Variants in CDYL2 observed in about 807,000 individuals in gnomAD.
CDYL2 encodes the protein chromodomain Y-like protein 2.
CDYL2 carries 23 observed loss-of-function variants against 49.4 expected under a neutral mutation model. That is an observed-to-expected ratio of 0.47 (90% CI 0.34 to 0.66). The LOEUF is 0.66. Among genes scored for constraint, CDYL2 ranks in the 30% least tolerant of loss-of-function variants. The pLI is 0.01. For missense variants in CDYL2, 678 were observed against 656.4 expected (o/e 1.03, Z -0.36); for synonymous variants, 360 against 268.8 (o/e 1.34, Z -3.32).
rs184443363 is a variant in CDYL2, at chr16:80,728,113, G to A, written c.25-42984C>T. Among the ~76,000 whole-genome samples, 14 of 152,304 alleles carry A rather than the reference G, an allele frequency of 9.2e-5. No individual in the cohort carries two copies. The South Asian group carries it at 1.0e-3, about 11-fold the overall frequency. The stretch of plus-strand genomic sequence containing the variant: ...AAGCTGGATGGGGAATGACTTTGAC[G>A]AGCTGAGAGAAGAAGGCTTCAGACG... On this transcript the variant is annotated intron_variant, in intron 1 of 6. Transcript: ENST00000570137.
intron 5 of CDYL2, among the ~76,000 whole-genome samples, chr16:80,609,883 A>C (rs962661319): frequency 1.8e-4 from 28 of 152,282 alleles, no homozygotes; most frequent in African/African-American, 6.3e-4. Context: ...TCTAGAGCTA[A>C]GAAAACGAAC....
chr16:80,657,455 G>GA (rs1234231026), intron 2 of CDYL2, among the ~76,000 whole-genome samples: 1 of 151,782 alleles, frequency 6.6e-6, no homozygotes, highest in East Asian at 1.9e-4. Context: ...ATTCCTTCAG[G>GA]AAAAAATGAA....
At chr16:80,653,256 A>G (rs1908663492) in intron 2 of CDYL2, among the ~76,000 whole-genome samples, 1 of 152,230 alleles carries the variant, frequency 6.6e-6, no homozygotes, top group Admixed American at 6.5e-5. Flanking sequence ...ACCTGAGGTC[A>G]GGAGTTTGAG....
chr16:80,676,312 G>C (rs1322831606), intron 2 of CDYL2, among the ~76,000 whole-genome samples: 4 of 152,196 alleles, frequency 2.6e-5, no homozygotes, highest in Non-Finnish European at 5.9e-5. Flanking sequence ...AAATTGAAAA[G>C]GTTAGTGAAA....
intron 1 of CDYL2, among the ~76,000 whole-genome samples, chr16:80,743,351 T>C (rs896992319): frequency 3.3e-5 from 5 of 152,222 alleles, no homozygotes; most frequent in Non-Finnish European, 5.9e-5. Context: ...TTTTATAAAA[T>C]AGAGAGAATT....
chr16:80,755,315 G>C (rs1041835460), intron 1 of CDYL2, among the ~76,000 whole-genome samples: 3 of 152,158 alleles, frequency 2.0e-5, no homozygotes, highest in Admixed American at 1.3e-4. Context: ...TCCATGTAAG[G>C]TGAATTGGAA....
At chr16:80,688,236 G>A (rs1305875760) in intron 1 of CDYL2, among the ~76,000 whole-genome samples, 1 of 152,134 alleles carries the variant, frequency 6.6e-6, no homozygotes, top group Non-Finnish European at 1.5e-5. Context: ...AAAGCCACTG[G>A]GTGGCTTGTC....
intron 1 of CDYL2, among the ~76,000 whole-genome samples, chr16:80,696,428 TAC>T (rs1218716288): frequency 1.3e-5 from 2 of 151,852 alleles, no homozygotes; most frequent in African/African-American, 4.8e-5. Flanking sequence ...AGGTCAACAA[TAC>T]AGTTTTTTTT....
intron 2 of CDYL2, among the ~76,000 whole-genome samples, chr16:80,635,188 C>T (rs1243295043): frequency 6.6e-6 from 1 of 152,072 alleles, no homozygotes; most frequent in Non-Finnish European, 1.5e-5. Context: ...CATCAATAGG[C>T]TAAAAGAAGA....
At chr16:80,690,011 C>T (rs1016602679) in intron 1 of CDYL2, among the ~76,000 whole-genome samples, 2 of 151,864 alleles carry the variant, frequency 1.3e-5, no homozygotes, top group African/African-American at 2.4e-5. Context: ...ATCCCAGCTA[C>T]TCCAGAGGCT....
chr16:80,791,557 G>C (rs1907608210), intron 1 of CDYL2, among the ~76,000 whole-genome samples: 1 of 152,184 alleles, frequency 6.6e-6, no homozygotes, highest in Non-Finnish European at 1.5e-5. Context: ...CTCCTGATAA[G>C]CTGAGGAAGC....
intron 2 of CDYL2, among the ~76,000 whole-genome samples, chr16:80,636,771 C>T (rs576805025): frequency 1.2e-4 from 18 of 152,266 alleles, no homozygotes; most frequent in African/African-American, 4.3e-4. Context: ...TACTGCAGCA[C>T]TGTTCACAAT....
At chr16:80,662,318 G>A (rs984985277) in intron 2 of CDYL2, among the ~76,000 whole-genome samples, 3 of 152,174 alleles carry the variant, frequency 2.0e-5, no homozygotes, top group African/African-American at 7.2e-5. Flanking sequence ...TCAGAACACA[G>A]AAGGAAGTTA....
At chr16:80,783,098 G>C (rs564753466) in intron 1 of CDYL2, among the ~76,000 whole-genome samples, 5 of 152,116 alleles carry the variant, frequency 3.3e-5, no homozygotes, top group Non-Finnish European at 7.4e-5. Flanking sequence ...TTAAAAGAGA[G>C]TGAAAAGATA....
chr16:80,771,681 C>A (rs1052384470), intron 1 of CDYL2, among the ~76,000 whole-genome samples: 4 of 152,014 alleles, frequency 2.6e-5, no homozygotes, highest in African/African-American at 9.7e-5. Context: ...CAAGATCACA[C>A]CACTGCACTC....
chr16:80,702,848 T>C (rs1904310011), intron 1 of CDYL2, among the ~76,000 whole-genome samples: 1 of 152,138 alleles, frequency 6.6e-6, no homozygotes, highest in South Asian at 2.1e-4. Flanking sequence ...GCCAGAAATG[T>C]GGGTGAGGCC....
chr16:80,640,704 CAG>C (rs1360678446), intron 2 of CDYL2, among the ~76,000 whole-genome samples: 1 of 152,056 alleles, frequency 6.6e-6, no homozygotes, highest in African/African-American at 2.4e-5. Context: ...AAAAATAACA[CAG>C]AGAAGGAATT....
intron 1 of CDYL2, among the ~76,000 whole-genome samples, chr16:80,718,722 C>G (rs552151259): frequency 6.6e-6 from 1 of 152,180 alleles, no homozygotes; most frequent in Non-Finnish European, 1.5e-5. Flanking sequence ...CCAACAGACA[C>G]GTGGATAGTG....
intron 1 of CDYL2, among the ~76,000 whole-genome samples, chr16:80,687,128 A>G (rs987191384): frequency 6.6e-6 from 1 of 152,210 alleles, no homozygotes; most frequent in Non-Finnish European, 1.5e-5. Flanking sequence ...CTACAGGTTT[A>G]CTGAGGGAGG....
Sources: gnomAD v4.1 joint callset for allele counts (sites outside exome capture counted in the v4.1 genomes callset) on GRCh38, gnomAD v4.1.1 for gene constraint, MANE v1.5 for transcripts, NCBI Gene and HGNC (gene_info 2026-07-23, HGNC 2026-07-21) for gene names.